The following FOXP2 variants were observed in gnomAD, a reference collection of about 807,000 sequenced individuals.
FOXP2 encodes the protein forkhead box protein P2.
In FOXP2, 12 loss-of-function variants were observed where a neutral mutation model predicts 115.8. The observed-to-expected ratio is 0.10, with a 90% CI of 0.07 to 0.17. The LOEUF (loss-of-function observed/expected upper bound fraction) is 0.17, where lower values mean the gene tolerates loss of function less well. Ranked by LOEUF, FOXP2 falls within the 10% of genes least tolerant of loss-of-function variation. The pLI is 1.00. For missense variants in FOXP2, 629 were observed against 843.5 expected (o/e 0.75, Z 3.15); for synonymous variants, 328 against 297.7 (o/e 1.10, Z -1.05).
chr7:114,239,492 C>T (rs1051388387), intron 1 of FOXP2, among the ~76,000 whole-genome samples: 1 of 151,988 alleles, frequency 6.6e-6, no homozygotes, highest in Non-Finnish European at 1.5e-5. Context: ...CATTTGGTTT[C>T]GAGATCCATT....
At chr7:114,570,949 T>C in intron 3 of FOXP2, 1 of 1,326,586 alleles carries the variant, frequency 7.5e-7, no homozygotes, top group African/African-American at 1.4e-5. Flanking sequence ...TCCCACTAAA[T>C]AGATTATATG....
chr7:114,630,510 T>G (rs1317578649), intron 5 of FOXP2: 1 of 178,568 alleles, frequency 5.6e-6, no homozygotes, highest in Non-Finnish European at 1.2e-5. Flanking sequence ...TAAATCAAAC[T>G]GACAAGCGGG....
intron 2 of FOXP2, among the ~76,000 whole-genome samples, chr7:114,363,107 CAAAG>C (rs1362672889): frequency 2.6e-5 from 4 of 151,960 alleles, no homozygotes; most frequent in African/African-American, 9.7e-5. Flanking sequence ...TAGATCAAAA[CAAAG>C]AAAGTAAAAT....
chr7:114,240,024 G>A (rs544964904), intron 1 of FOXP2, among the ~76,000 whole-genome samples: 1 of 152,174 alleles, frequency 6.6e-6, no homozygotes, highest in Non-Finnish European at 1.5e-5. Flanking sequence ...GGAAGACCTA[G>A]TATGAGGAAA....
intron 3 of FOXP2, among the ~76,000 whole-genome samples, chr7:114,613,087 T>C (rs1345367318): frequency 6.6e-6 from 1 of 152,228 alleles, no homozygotes; most frequent in East Asian, 1.9e-4. Flanking sequence ...GATTGACTCT[T>C]TGAAGCATTA....
At chr7:114,441,963 T>C (rs1202587551) in intron 2 of FOXP2, among the ~76,000 whole-genome samples, 1 of 152,136 alleles carries the variant, frequency 6.6e-6, no homozygotes, top group Non-Finnish European at 1.5e-5. Flanking sequence ...ATCTTAACAA[T>C]TAAGCCTCCA....
intron 1 of FOXP2, among the ~76,000 whole-genome samples, chr7:114,126,635 C>T (rs1252955792): frequency 6.6e-6 from 1 of 152,066 alleles, no homozygotes; most frequent in African/African-American, 2.4e-5. Context: ...AAAGGACATA[C>T]ATAATCTTGC....
At position 114,219,419 on chromosome 7, in the gene FOXP2, A is replaced by G. The variant is rs564693202; in HGVS notation, c.-102+56331A>G. Among the ~76,000 whole-genome samples, 39 of 152,258 alleles carry G rather than the reference A, an allele frequency of 2.6e-4. No homozygotes were observed. The Middle Eastern group carries it at 0.01, about 40-fold the overall frequency. ...TTTAGAACAGTATTAACATTTTAATATACTTAGAGTGGTCATGTCAAAATA... is the reference window on the plus strand; with the variant it reads ...TTTAGAACAGTATTAACATTTTAATGTACTTAGAGTGGTCATGTCAAAATA... On this transcript the variant is annotated intron_variant, in intron 1 of 17. Coordinates refer to the FOXP2 transcript ENST00000634411.
At chr7:114,398,327 A>G (rs1479161100) in intron 2 of FOXP2, among the ~76,000 whole-genome samples, 5 of 152,160 alleles carry the variant, frequency 3.3e-5, no homozygotes, top group African/African-American at 1.2e-4. Flanking sequence ...TACTTCTTAA[A>G]TAGACAATAA....
At chr7:114,341,246 C>T (rs1417763462) in intron 2 of FOXP2, among the ~76,000 whole-genome samples, 2 of 150,972 alleles carry the variant, frequency 1.3e-5, no homozygotes, top group Non-Finnish European at 3.0e-5. Flanking sequence ...TGAGGCTGAC[C>T]GTTAGAATGG....
At chr7:114,485,188 T>C (rs1796720758) in intron 2 of FOXP2, among the ~76,000 whole-genome samples, 1 of 151,988 alleles carries the variant, frequency 6.6e-6, no homozygotes, top group African/African-American at 2.4e-5. Context: ...TGGTCTCAAT[T>C]AATCTCAGGT....
chr7:114,408,934 A>T (rs1793101421), intron 2 of FOXP2, among the ~76,000 whole-genome samples: 1 of 151,910 alleles, frequency 6.6e-6, no homozygotes, highest in South Asian at 2.1e-4. Context: ...CTTATCAGTA[A>T]CCCTTCCTAT....
At chr7:114,097,089 A>G (rs1284135986) in intron 1 of FOXP2, among the ~76,000 whole-genome samples, 1 of 152,182 alleles carries the variant, frequency 6.6e-6, no homozygotes, top group Non-Finnish European at 1.5e-5. Flanking sequence ...CCATATTTTA[A>G]TTACTCATCT....
intron 2 of FOXP2, among the ~76,000 whole-genome samples, chr7:114,301,166 A>G (rs1182468629): frequency 6.6e-6 from 1 of 152,092 alleles, no homozygotes; most frequent in Admixed American, 6.6e-5. Context: ...AGAGTGATAC[A>G]TAGACCATCA....
intron 1 of FOXP2, among the ~76,000 whole-genome samples, chr7:114,096,831 T>G (rs1369964084): frequency 6.6e-6 from 1 of 152,192 alleles, no homozygotes; most frequent in Non-Finnish European, 1.5e-5. Context: ...ATTTTAATGT[T>G]TATCTTCTTA....
At chr7:114,098,923 A>G (rs2129140284) in intron 1 of FOXP2, among the ~76,000 whole-genome samples, 1 of 152,286 alleles carries the variant, frequency 6.6e-6, no homozygotes, top group East Asian at 1.9e-4. Flanking sequence ...GGAATGCTTG[A>G]TCCCAGGAGT....
At chr7:114,128,450 C>A (rs1791780878) in intron 1 of FOXP2, among the ~76,000 whole-genome samples, 1 of 151,308 alleles carries the variant, frequency 6.6e-6, no homozygotes, top group Non-Finnish European at 1.5e-5. Flanking sequence ...AAAAATGACC[C>A]ATCTATTGTT....
At position 114,605,723 on chromosome 7, in the gene FOXP2, G is replaced by T. The variant is rs538342361; in HGVS notation, c.259-22817G>T. ...CTGGTGGAAAGCATGTGTTCTAAAT[G>T]TGCTCTGAGGGTGGCACTGGCACTG... On this transcript the variant is annotated intron_variant, in intron 3 of 16. Coordinates refer to ENST00000350908, the MANE Select transcript of FOXP2 (RefSeq NM_014491.4). 2.0e-5 allele frequency among the ~76,000 whole-genome samples: 3 copies of T among 152,314 alleles called. No individual in the cohort carries two copies. In the East Asian group the frequency reaches 5.8e-4, roughly 29 times the overall value.
chr7:114,262,097 G>A (rs758833362), intron 1 of FOXP2, among the ~76,000 whole-genome samples: 1 of 151,688 alleles, frequency 6.6e-6, no homozygotes, highest in Non-Finnish European at 1.5e-5. Context: ...TCTAGGGCAG[G>A]TGTATCTGAT....
Sources: gnomAD v4.1 joint callset for allele counts (sites outside exome capture counted in the v4.1 genomes callset) on GRCh38, gnomAD v4.1.1 for gene constraint, MANE v1.5 for transcripts, NCBI Gene and HGNC (gene_info 2026-07-23, HGNC 2026-07-21) for gene names.